ALG5: variants seen among roughly 807,000 people sequenced by gnomAD.
ALG5 encodes the protein dolichyl-phosphate beta-glucosyltransferase.
Under a neutral mutation model 51.8 loss-of-function variants are expected in ALG5, and 26 were observed. The ratio of observed to expected loss-of-function variants is 0.50; its 90% CI spans 0.37 to 0.70. The LOEUF (loss-of-function observed/expected upper bound fraction) is 0.70. Ranked by LOEUF, ALG5 falls within the 30% of genes least tolerant of loss-of-function variation. The pLI, the probability that ALG5 is intolerant of heterozygous loss-of-function variation, is 0.00. For synonymous variants in ALG5, 141 were observed against 136.1 expected, an observed-to-expected ratio of 1.04 and a Z score of -0.25; for missense variants, 311 against 399.3, an observed-to-expected ratio of 0.78 and a Z score of 1.88.
chr13:36,953,344 A>G (rs1271615742), intron 8 of ALG5, among the ~76,000 whole-genome samples: 2 of 152,198 alleles, frequency 1.3e-5, no homozygotes, highest in East Asian at 3.8e-4. Context: ...CTTTTCAGTC[A>G]GTGCCTTGGC....
chr13:36,990,270 G>C (rs569324765), intron 4 of ALG5, among the ~76,000 whole-genome samples: 15 of 152,126 alleles, frequency 9.9e-5, no homozygotes, highest in African/African-American at 2.7e-4. Flanking sequence ...TTTATTTTTC[G>C]GTCCACTGTA....
At chr13:36,997,983 C>T (rs1282281680) in intron 1 of ALG5, among the ~76,000 whole-genome samples, 1 of 152,116 alleles carries the variant, frequency 6.6e-6, no homozygotes, top group Non-Finnish European at 1.5e-5. Flanking sequence ...CTAATGATAA[C>T]ATATATGTCA....
intron 8 of ALG5, among the ~76,000 whole-genome samples, chr13:36,957,347 C>T (rs865827326): frequency 1.3e-4 from 19 of 151,588 alleles, no homozygotes; most frequent in South Asian, 6.3e-4. Context: ...ACTGGTTGGG[C>T]GGAGGCCTTC....
chr13:36,988,164 T>C (rs1021077751), intron 5 of ALG5, among the ~76,000 whole-genome samples: 7 of 152,318 alleles, frequency 4.6e-5, no homozygotes, highest in African/African-American at 1.7e-4. Context: ...CAAAAGATGG[T>C]GGCACCAACT....
chr13:36,995,337 T>C (rs2059044160), intron 2 of ALG5, 88 bp downstream of exon 2: 2 of 1,372,058 alleles, frequency 1.5e-6, no homozygotes, highest in Non-Finnish European at 2.0e-6. Context: ...TCTATTAATG[T>C]TTTGGCAAAG....
intron 7 of ALG5, among the ~76,000 whole-genome samples, chr13:36,970,083 T>C (rs1346688965): frequency 1.3e-5 from 2 of 149,228 alleles, no homozygotes; most frequent in African/African-American, 2.4e-5. Context: ...TTTATAATTA[T>C]ACACACATAT....
intron 6 of ALG5, among the ~76,000 whole-genome samples, chr13:36,981,713 T>C (rs1449195053): frequency 6.6e-6 from 1 of 152,208 alleles, no homozygotes; most frequent in East Asian, 1.9e-4. Flanking sequence ...GAAGTAACAA[T>C]GTAATGTGGA....
chr13:36,993,514 G>A, intron 4 of ALG5, 90 bp downstream of exon 4: 1 of 1,074,068 alleles, frequency 9.3e-7, no homozygotes, highest in Non-Finnish European at 1.4e-6. Flanking sequence ...CAGCTTTAGG[G>A]TCCCCTGGTG....
intron 6 of ALG5, among the ~76,000 whole-genome samples, chr13:36,975,935 CTG>C (rs1287349493): frequency 6.6e-6 from 1 of 150,888 alleles, no homozygotes; most frequent in Non-Finnish European, 1.5e-5. Flanking sequence ...GCAGGAACCA[CTG>C]CACTCCAGCC....
chr13:36,986,651 A>G (rs1241719607), intron 5 of ALG5, among the ~76,000 whole-genome samples: 1 of 152,176 alleles, frequency 6.6e-6, no homozygotes, highest in Non-Finnish European at 1.5e-5. Flanking sequence ...GCTAGGTGAG[A>G]TGACTCACAC....
intron 8 of ALG5, among the ~76,000 whole-genome samples, chr13:36,957,604 G>A (rs530546576): frequency 1.3e-5 from 2 of 152,128 alleles, no homozygotes; most frequent in East Asian, 3.9e-4. Flanking sequence ...GCTAACCCAA[G>A]AAACCCATCT....
intron 8 of ALG5, among the ~76,000 whole-genome samples, chr13:36,959,797 C>A (rs1262837232): frequency 6.6e-6 from 1 of 151,662 alleles, no homozygotes; most frequent in African/African-American, 2.4e-5. Flanking sequence ...CAAAAAGTTT[C>A]TTTCTCATAT....
intron 1 of ALG5, among the ~76,000 whole-genome samples, chr13:36,996,439 T>C (rs1372326191): frequency 6.6e-6 from 1 of 152,154 alleles, no homozygotes; most frequent in Admixed American, 6.5e-5. Flanking sequence ...CTACTATCAC[T>C]TCAGAGATTA....
In ALG5 at chr13:36,949,977, C is replaced by A; in HGVS notation, c.940G>T (p.Ala314Ser). ...TTCCGAGTTTGCTCAAGCCTCCAGG[C>A]ACCAGTCAAATATCGAAGTCGTATA... The part of the protein sequence containing the change: ...LFIRLRYLTG[A>S]WRLEQTRKMN The change falls in exon 10 of 10, where the codon GCC becomes TCC. Residue 314 changes from alanine to serine, a missense_variant. By Grantham distance (99) the Ala-to-Ser change is moderately conservative (BLOSUM62 1). Coordinates refer to ENST00000239891, the MANE Select transcript of ALG5 (RefSeq NM_013338.5). The A allele has an allele frequency of 6.2e-7, 1 of 1,613,008 alleles. No individual in the cohort carries two copies. Among genetic ancestry groups the A allele is most frequent in the Non-Finnish European group, 8.5e-7 (1 of 1,179,698 alleles).
In ALG5 at chr13:36,999,272, A is replaced by G. The variant is rs2059072937; in HGVS notation, c.29T>C (p.Val10Ala). ...TGCGGCCGCCAGCGCCGCGCCGAGC[A>G]CCGCCAGCTGCAACAGAAGCGGAGC... MAPLLLQLA[V>A]LGAALAAAAL... is the part of the protein sequence containing the mutation. Residue 10 changes from valine to alanine, a missense_variant, in exon 1 of 10, where the codon GTG becomes GCG. Transcript: ENST00000239891. 4 of 1,580,396 alleles carry G rather than the reference A, an allele frequency of 2.5e-6. No individual in the cohort carries two copies. The highest frequency in any genetic ancestry group is 2.5e-5 in the East Asian group (1 of 40,178).
At chr13:36,954,573 A>G (rs1302054525) in intron 8 of ALG5, among the ~76,000 whole-genome samples, 1 of 152,202 alleles carries the variant, frequency 6.6e-6, no homozygotes, top group African/African-American at 2.4e-5. Context: ...TCATATCATC[A>G]TATTATAAGT....
intron 9 of ALG5, among the ~76,000 whole-genome samples, chr13:36,951,685 A>C (rs978252161): frequency 3.3e-5 from 5 of 152,278 alleles, no homozygotes; most frequent in Admixed American, 6.5e-5. Context: ...GATAGATTTC[A>C]AGTTATTATA....
At chr13:36,983,083 T>C (rs1332588686) in intron 6 of ALG5, among the ~76,000 whole-genome samples, 1 of 152,208 alleles carries the variant, frequency 6.6e-6, no homozygotes, top group Non-Finnish European at 1.5e-5. Flanking sequence ...AGAATAAAGT[T>C]CAGATTTTTG....
intron 7 of ALG5, chr13:36,967,931 G>A (rs1366612402): frequency 2.8e-5 from 16 of 579,578 alleles, no homozygotes; most frequent in Middle Eastern, 6.7e-4. Flanking sequence ...TTATTTGTTC[G>A]CAAATAAAAC....
Sources: allele counts gnomAD v4.1 joint callset (sites outside exome capture counted in the v4.1 genomes callset), GRCh38; gene constraint gnomAD v4.1.1; transcripts MANE v1.5; gene names NCBI Gene and HGNC (gene_info 2026-07-23, HGNC 2026-07-21).